The following MCF2 variants were observed in gnomAD, a reference collection of about 807,000 sequenced individuals.
MCF2 encodes MCF.2 cell line derived transforming sequence, also known as proto-oncogene DBL.
Under a neutral mutation model 82.5 loss-of-function variants are expected in MCF2, and 44 were observed. The observed-to-expected ratio is 0.53, with a 90% confidence interval of 0.42 to 0.69. MCF2 has a LOEUF of 0.69. MCF2 is among the 30% of genes least tolerant of loss of function. The probability of loss-of-function intolerance (pLI) is 0.00; values close to 1 mark genes in which losing one functional copy is unlikely to be tolerated. For synonymous variants in MCF2, 217 were observed against 224.9 expected, an observed-to-expected ratio of 0.96 and a Z score of 0.32; for missense variants, 623 against 663.1, an observed-to-expected ratio of 0.94 and a Z score of 0.66.
chrX:139,696,617 C>T (rs902518776), intron 1 of MCF2, among the ~76,000 whole-genome samples: 4 of 110,721 alleles, frequency 3.6e-5, no homozygotes, highest in Admixed American at 9.6e-5. Flanking sequence ...TTAGTAGAGA[C>T]GGGGTTTCGC....
At chrX:139,665,702 T>C (rs1934489131) in intron 1 of MCF2, among the ~76,000 whole-genome samples, 1 of 108,856 alleles carries the variant, frequency 9.2e-6, no homozygotes, top group Admixed American at 1.0e-4. Context: ...GTTGTTGAAT[T>C]TGGTGTTCCT....
At chrX:139,585,733 T>G (rs1266273843) in intron 23 of MCF2, among the ~76,000 whole-genome samples, 1 of 112,123 alleles carries the variant, frequency 8.9e-6, no homozygotes, top group African/African-American at 3.2e-5. Context: ...TGTTTAACTA[T>G]CTTTCTATTC....
chrX:139,686,358 T>C (rs189391962), intron 1 of MCF2, among the ~76,000 whole-genome samples: 300 of 111,170 alleles, frequency 2.7e-3, no homozygotes, highest in African/African-American at 9.5e-3. Flanking sequence ...TGATTCTATA[T>C]TAAAAATACA....
intron 24 of MCF2, among the ~76,000 whole-genome samples, chrX:139,584,061 C>G (rs1173192567): frequency 9.2e-6 from 1 of 108,232 alleles, no homozygotes; most frequent in African/African-American, 3.4e-5. Flanking sequence ...GAAACAATAT[C>G]TACTTTTTTA....
At position 139,632,450 on chromosome X, in the gene MCF2, G is replaced by C. The variant is rs776491633; in HGVS notation, c.56C>G (p.Ser19Cys). 1.8e-5 allele frequency: 21 copies of C among 1,196,406 alleles called. No homozygotes were observed. The South Asian group carries it at 3.7e-4, about 21-fold the overall frequency. ...AACCAAGTGCAAGTTCCCAGGGAAG[G>C]AAGCCTGTAGAAAGAAAGAACAAAA... The change falls in exon 2 of 25, where the codon TCC becomes TGC. Residue 19 changes from serine to cysteine, a missense_variant. By Grantham distance (112) the Ser-to-Cys change is moderately radical. Coordinates refer to ENST00000370576, the Ensembl canonical transcript of MCF2.
intron 1 of MCF2, among the ~76,000 whole-genome samples, chrX:139,654,752 C>A: frequency 9.0e-6 from 1 of 111,619 alleles, no homozygotes. Flanking sequence ...CCAACATTTT[C>A]ATCTAGTAGT....
intron 6 of MCF2, among the ~76,000 whole-genome samples, chrX:139,623,972 A>G (rs1932601123): frequency 1.8e-5 from 2 of 111,348 alleles, no homozygotes; most frequent in Non-Finnish European, 3.8e-5. Flanking sequence ...GAAGGAGGAT[A>G]TTTGCATAAC....
At chrX:139,624,120 C>A (rs1010652323) in intron 6 of MCF2, among the ~76,000 whole-genome samples, 4 of 111,422 alleles carry the variant, frequency 3.6e-5, no homozygotes, top group African/African-American at 1.3e-4. Context: ...CTTCATTCAC[C>A]TGCAGATATG....
chrX:139,617,710 T>TATA lies in MCF2; in HGVS notation c.808-9_808-7dup. The TATA allele has an allele frequency of 9.0e-7, 1 of 1,113,290 alleles. No homozygotes were observed. Among genetic ancestry groups the TATA allele is most frequent in the Non-Finnish European group, 1.2e-6 (1 of 835,010 alleles). The allele number at this position is 1,113,290 out of a possible 1,213,427, so 91.7% of individuals were successfully genotyped here. A position where few individuals can be genotyped will look rare whatever the true frequency, so the allele number is the denominator to read the frequency against. On this transcript the variant is annotated splice_region_variant and splice_polypyrimidine_tract_variant and intron_variant, in intron 7 of 24. Coordinates refer to ENST00000370576, the Ensembl canonical transcript of MCF2. ...TGGGCCTTTGATAATAGCTCCTGAT[T>TATA]ATAACAAAGACAAAAAATAATGAAT...
At chrX:139,613,347 C>T in intron 10 of MCF2, 84 bp from the exon 14 acceptor site, 1 of 723,615 alleles carries the variant, frequency 1.4e-6, no homozygotes, top group Non-Finnish European at 2.1e-6. Flanking sequence ...TAATGAGTGA[C>T]TAATGACTTG....
At chrX:139,680,079 A>G (rs1356007292) in intron 1 of MCF2, among the ~76,000 whole-genome samples, 1 of 111,759 alleles carries the variant, frequency 8.9e-6, no homozygotes, top group Non-Finnish European at 1.9e-5. Flanking sequence ...TTTAAAATGG[A>G]GGGTTTTAAA....
chrX:139,650,299 A>C (rs1933953252), intron 2 of MCF2, among the ~76,000 whole-genome samples: 1 of 111,546 alleles, frequency 9.0e-6, no homozygotes, highest in African/African-American at 3.3e-5. Context: ...GGTTACATTG[A>C]GCTATGATCG....
intron 1 of MCF2, among the ~76,000 whole-genome samples, chrX:139,707,361 G>A (rs1457874191): frequency 9.0e-6 from 1 of 110,975 alleles, no homozygotes; most frequent in Non-Finnish European, 1.9e-5. Context: ...ATAAAATGTG[G>A]TTTTGCCTCA....
rs751225991 is a variant in MCF2 at position 139,686,937 on chromosome X, A to G, written c.-45+21169T>C. On this transcript the variant is annotated intron_variant, in intron 1 of 27. Transcript: ENST00000414978. ...TGACTCCTTTGCTCAAAACCTTCCA[A>G]TGGCTCATCATCTGACTCAGGTTAA... Among the ~76,000 whole-genome samples the G allele has an allele frequency of 8.1e-5, 9 of 111,222 alleles. No homozygotes were observed. The East Asian group carries it at 2.6e-3, about 32-fold the overall frequency.
chrX:139,691,861 G>C, intron 1 of MCF2: 1 of 1,047,447 alleles, frequency 9.5e-7, no homozygotes, highest in Non-Finnish European at 1.3e-6. Context: ...CGGCTGAGAA[G>C]AAGGGCAAGC....
At chrX:139,703,215 A>G (rs1400038704) in intron 1 of MCF2, among the ~76,000 whole-genome samples, 1 of 112,003 alleles carries the variant, frequency 8.9e-6, no homozygotes, top group African/African-American at 3.2e-5. Flanking sequence ...CATGAATTGA[A>G]GTCATTAGAT....
chrX:139,595,736 A>T (rs1227490881), intron 19 of MCF2, among the ~76,000 whole-genome samples: 1 of 109,348 alleles, frequency 9.1e-6, no homozygotes, highest in Non-Finnish European at 1.9e-5. Flanking sequence ...ATAATAATAA[A>T]ATAAAAAAAT....
intron 1 of MCF2, among the ~76,000 whole-genome samples, chrX:139,654,345 G>A (rs62609064): frequency 0.2 from 22,295 of 110,845 alleles, 1,861 homozygotes; most frequent in African/African-American, 0.3. Flanking sequence ...TTTAACTGGG[G>A]TGAGATATGT....
intron 1 of MCF2, among the ~76,000 whole-genome samples, chrX:139,637,042 G>T (rs1262530601): frequency 9.0e-6 from 1 of 111,341 alleles, no homozygotes; most frequent in Non-Finnish European, 1.9e-5. Context: ...GGCTTTTAAA[G>T]AAAATGCACC....
Sources: allele counts gnomAD v4.1 joint callset (sites outside exome capture counted in the v4.1 genomes callset), GRCh38; gene constraint gnomAD v4.1.1; transcripts MANE v1.5; gene names NCBI Gene and HGNC (gene_info 2026-07-23, HGNC 2026-07-21).